The following KLF7 variants were observed in gnomAD, a reference collection of about 807,000 sequenced individuals.
The protein encoded by KLF7 is Krueppel-like factor 7.
KLF7 carries 2 observed loss-of-function variants against 27.3 expected under a neutral mutation model. The ratio of observed to expected loss-of-function variants is 0.07; its 90% CI spans 0.03 to 0.23. The LOEUF is 0.23. Ranked by LOEUF, KLF7 falls within the 10% of genes least tolerant of loss-of-function variation. The pLI is 1.00. For synonymous variants in KLF7, 165 were observed against 162.4 expected, an observed-to-expected ratio of 1.02 and a Z score of -0.12; for missense variants, 221 against 394.1, an observed-to-expected ratio of 0.56 and a Z score of 3.72.
intron 1 of KLF7, among the ~76,000 whole-genome samples, chr2:207,152,123 T>TC: frequency 6.6e-6 from 1 of 152,260 alleles, no homozygotes; most frequent in Non-Finnish European, 1.5e-5. Flanking sequence ...CTGGACTTTT[T>TC]CACACAAAAA....
At chr2:207,162,717 C>A (rs2106147812) in intron 1 of KLF7, among the ~76,000 whole-genome samples, 1 of 152,274 alleles carries the variant, frequency 6.6e-6, no homozygotes, top group East Asian at 1.9e-4. Flanking sequence ...AATAAAATCC[C>A]CAAATTGTTT....
In KLF7 at chr2:207,165,589, C is replaced by G; in HGVS notation, c.-21G>C. 2 of 1,612,670 alleles carry G rather than the reference C, an allele frequency of 1.2e-6. No homozygotes were observed. The highest frequency in any genetic ancestry group is 1.7e-6 in the Non-Finnish European group (2 of 1,179,964). On this transcript the variant is annotated 5_prime_UTR_variant, in exon 1 of 4. Transcript: ENST00000309446. ...TCCATGCTGCTGCTGCCGGGCAAAA[C>G]GGGAGGCGAAACCCTCCCCCGAACA... is the stretch of plus-strand genomic sequence containing the variant.
chr2:207,134,530 T>C (rs2077732120), intron 1 of KLF7, among the ~76,000 whole-genome samples: 1 of 152,122 alleles, frequency 6.6e-6, no homozygotes, highest in South Asian at 2.1e-4. Context: ...TCAGAATGCA[T>C]AAAATGGCAG....
chr2:207,167,410 C>A (rs1009663160), upstream of KLF7: 1 of 297,952 alleles, frequency 3.4e-6, no homozygotes, highest in South Asian at 1.5e-4. Context: ...CTTCGTTCTA[C>A]CAGTAATGGA....
intron 2 of KLF7, among the ~76,000 whole-genome samples, chr2:207,090,342 T>A (rs917947962): frequency 6.6e-6 from 1 of 152,246 alleles, no homozygotes; most frequent in Non-Finnish European, 1.5e-5. Context: ...GGTAGCCAAG[T>A]GGAGGTGCCA....
intron 1 of KLF7, among the ~76,000 whole-genome samples, chr2:207,137,450 G>C (rs1341626174): frequency 2.6e-5 from 4 of 152,164 alleles, no homozygotes; most frequent in African/African-American, 9.7e-5. Context: ...AAACACAGAA[G>C]CTTTTCCTTC....
chr2:207,165,278 G>A (rs2078673676), intron 1 of KLF7, among the ~76,000 whole-genome samples, 189 bp downstream of exon 1: 1 of 152,178 alleles, frequency 6.6e-6, no homozygotes, highest in South Asian at 2.1e-4. Context: ...CACTCTACGA[G>A]GTTAGGGGTG....
intron 2 of KLF7, among the ~76,000 whole-genome samples, chr2:207,096,921 G>T (rs553573346): frequency 2.6e-5 from 4 of 152,250 alleles, no homozygotes; most frequent in African/African-American, 9.6e-5. Context: ...CAGTCCTCTA[G>T]CAACAGTGGT....
chr2:207,153,411 T>A (rs1031667719), intron 1 of KLF7, among the ~76,000 whole-genome samples: 2 of 152,240 alleles, frequency 1.3e-5, no homozygotes, highest in African/African-American at 4.8e-5. Flanking sequence ...TCAAAAACAA[T>A]AGTTAAATTT....
At chr2:207,139,991 C>T (rs1286332081) in intron 1 of KLF7, among the ~76,000 whole-genome samples, 3 of 152,148 alleles carry the variant, frequency 2.0e-5, no homozygotes, top group Non-Finnish European at 4.4e-5. Flanking sequence ...CAGGTTCAAG[C>T]GATTCTCCTG....
At chr2:207,099,551 G>GATATATATATATATATATAT (rs59383415) in intron 2 of KLF7, among the ~76,000 whole-genome samples, 2,401 of 57,114 alleles carry the variant, frequency 0.042, 402 homozygotes, top group African/African-American at 0.07. Flanking sequence ...CTACATATGC[G>GATATATATATATATATATAT]ATATATATAT....
intron 2 of KLF7, among the ~76,000 whole-genome samples, chr2:207,116,691 T>C (rs929502620): frequency 2.0e-5 from 3 of 152,168 alleles, no homozygotes; most frequent in Non-Finnish European, 2.9e-5. Flanking sequence ...TTTCTAAAAG[T>C]TTACACTTGG....
At chr2:207,167,032 G>A (rs189081475), upstream of KLF7, 81 of 988,948 alleles carry the variant, frequency 8.2e-5, no homozygotes, top group African/African-American at 4.6e-4. Flanking sequence ...ATTGCAAGGG[G>A]CCTGTTGCTC....
chr2:207,108,373 C>T (rs1269416), intron 2 of KLF7, among the ~76,000 whole-genome samples: 124,603 of 152,120 alleles, frequency 0.82, 51,702 homozygotes, highest in African/African-American at 0.9. Context: ...ATTATTTCCA[C>T]GGCAGGTAGA....
intron 1 of KLF7, among the ~76,000 whole-genome samples, chr2:207,136,551 T>C (rs769009608): frequency 2.8e-4 from 42 of 152,218 alleles, no homozygotes; most frequent in Non-Finnish European, 3.1e-4. Context: ...TCATTCTTCA[T>C]CATACTACCT....
At position 207,165,476 on chromosome 2, in the gene KLF7, G is replaced by T; in HGVS notation, c.93C>A (p.Thr31=). The change falls in exon 1 of 4, where the codon ACC becomes ACA. Residue 31 remains threonine, a synonymous_variant. Transcript: ENST00000309446. ...AATTTAAATCATTCACCTGCTGCCA[G>T]GTCTCCTCCAGGGATGGTAAAGCTG... The part of the protein sequence containing the change: ...YFSALPSLEE[T]WQQTCLELER... 1 of 1,614,146 alleles carries T rather than the reference G, an allele frequency of 6.2e-7. No individual in the cohort carries two copies. The highest frequency in any genetic ancestry group is 8.5e-7 in the Non-Finnish European group (1 of 1,180,034).
At chr2:207,088,111 G>A (rs1291638222) in intron 3 of KLF7, among the ~76,000 whole-genome samples, 1 of 152,124 alleles carries the variant, frequency 6.6e-6, no homozygotes, top group African/African-American at 2.4e-5. Flanking sequence ...TTGATACAAA[G>A]ATCAGAAGTC....
chr2:207,100,232 A>C (rs2105905820), intron 2 of KLF7, among the ~76,000 whole-genome samples: 1 of 152,348 alleles, frequency 6.6e-6, no homozygotes, highest in Non-Finnish European at 1.5e-5. Flanking sequence ...AATAGATATT[A>C]ATCCGTTTTT....
chr2:207,095,936 T>C (rs1263613), intron 2 of KLF7, among the ~76,000 whole-genome samples: 111,801 of 152,132 alleles, frequency 0.73, 41,686 homozygotes, highest in African/African-American at 0.82. Flanking sequence ...AAAAATGAGA[T>C]TACTAGAAAA....
Sources: gnomAD v4.1 joint callset for allele counts (sites outside exome capture counted in the v4.1 genomes callset) on GRCh38, gnomAD v4.1.1 for gene constraint, MANE v1.5 for transcripts, NCBI Gene and HGNC (gene_info 2026-07-23, HGNC 2026-07-21) for gene names.